UFD1: variants seen among roughly 807,000 people sequenced by gnomAD.
The protein encoded by UFD1 is ubiquitin recognition factor in ER-associated degradation protein 1.
A neutral mutation model predicts 45.9 loss-of-function variants in UFD1; 13 were observed. The observed-to-expected ratio is 0.28, with a 90% CI of 0.18 to 0.45. The LOEUF (loss-of-function observed/expected upper bound fraction) is 0.45. Among genes scored for constraint, UFD1 ranks in the 20% least tolerant of loss-of-function variants. The pLI is 1.00. For synonymous variants in UFD1, 128 were observed against 139.2 expected (o/e 0.92, Z 0.56); for missense variants, 218 against 389.2 (o/e 0.56, Z 3.70).
chr22:19,473,736 T>C (rs375128117), intron 3 of UFD1, among the ~76,000 whole-genome samples: 1 of 152,202 alleles, frequency 6.6e-6, no homozygotes, highest in Non-Finnish European at 1.5e-5. Context: ...GTACTTCTGA[T>C]GCACAGACAC....
intron 3 of UFD1, among the ~76,000 whole-genome samples, chr22:19,474,406 C>T (rs896579644): frequency 3.3e-5 from 5 of 152,122 alleles, no homozygotes; most frequent in Non-Finnish European, 7.4e-5. Flanking sequence ...ATTAGCCGGG[C>T]GTGGTGGCGG....
At chr22:19,471,230 A>G in intron 4 of UFD1, 1 of 513,706 alleles carries the variant, frequency 1.9e-6, no homozygotes, top group South Asian at 1.4e-5. Flanking sequence ...TTGTAAGGAA[A>G]AAGACGTCAC....
intron 11 of UFD1, chr22:19,453,189 T>C (rs569318597): frequency 1.0e-6 from 1 of 985,300 alleles, no homozygotes. Context: ...ATTCTGTCTT[T>C]AGTCCCTCAT....
chr22:19,457,733 C>T (rs1388425084), intron 7 of UFD1, among the ~76,000 whole-genome samples: 12 of 152,106 alleles, frequency 7.9e-5, no homozygotes, highest in African/African-American at 2.4e-4. Flanking sequence ...ATCGCTTGAA[C>T]CTGGGAGGTG....
In UFD1 at chr22:19,450,585, C is replaced by G; in HGVS notation, c.*85G>C. ...AGTAACAGAGTATTCTCTGATGAGGCTCGTCCCTGTCAGTGCCAGTAACTA... is the reference window on the plus strand; with the variant it reads ...AGTAACAGAGTATTCTCTGATGAGGGTCGTCCCTGTCAGTGCCAGTAACTA... On this transcript the variant is annotated 3_prime_UTR_variant, in exon 12 of 12. Transcript: ENST00000263202. 1 of 1,528,548 alleles carries G rather than the reference C, an allele frequency of 6.5e-7. No homozygotes were observed. 94.7% of individuals were successfully genotyped at this position (1,528,548 alleles called of 1,614,324 possible). A position where few individuals can be genotyped will look rare whatever the true frequency, so the allele number is the denominator to read the frequency against.
intron 7 of UFD1, among the ~76,000 whole-genome samples, chr22:19,457,272 G>A (rs1349455472): frequency 1.3e-5 from 2 of 152,174 alleles, no homozygotes; most frequent in Non-Finnish European, 2.9e-5. Flanking sequence ...GACTGCCCAT[G>A]TTGTCTTTTT....
chr22:19,469,869 A>G (rs1056178820), intron 4 of UFD1: 3 of 505,862 alleles, frequency 5.9e-6, no homozygotes, highest in Admixed American at 4.0e-5. Flanking sequence ...GAAAGGGTTC[A>G]ATTAGTTTCC....
At chr22:19,462,494 C>T (rs978092750) in intron 6 of UFD1, among the ~76,000 whole-genome samples, 1 of 151,908 alleles carries the variant, frequency 6.6e-6, no homozygotes, top group Non-Finnish European at 1.5e-5. Context: ...GGTGAAACCT[C>T]GTCTCTACTA....
At chr22:19,469,263 G>C (rs904453891) in intron 4 of UFD1, among the ~76,000 whole-genome samples, 3 of 152,184 alleles carry the variant, frequency 2.0e-5, no homozygotes, top group Non-Finnish European at 4.4e-5. Flanking sequence ...CACTGTCCCT[G>C]GGTAGATTTT....
chr22:19,471,512 G>A (rs1006280451), intron 4 of UFD1, 175 bp downstream of exon 4: 29 of 1,013,078 alleles, frequency 2.9e-5, no homozygotes, highest in Middle Eastern at 2.1e-4. Context: ...CCACCAGCCC[G>A]CATAAGGCAC....
At chr22:19,458,563 C>G (rs2005654) in intron 6 of UFD1, among the ~76,000 whole-genome samples, 10 of 152,222 alleles carry the variant, frequency 6.6e-5, no homozygotes, top group East Asian at 3.9e-4. Flanking sequence ...CCTGCCTCAG[C>G]CTCCCTAGTA....
chr22:19,479,042 G>A, intron 1 of UFD1, 41 bp downstream of exon 1: 1 of 1,598,760 alleles, frequency 6.3e-7, no homozygotes, highest in Non-Finnish European at 8.5e-7. Flanking sequence ...TCAGGCCCCG[G>A]GCCAAGGCCC....
rs570777949 is a variant in UFD1 at position 19,450,724 on chromosome 22, G to A, written c.870C>T (p.Phe290=). 8.1e-6 allele frequency: 13 copies of A among 1,614,108 alleles called. No homozygotes were observed. Among genetic ancestry groups the A allele is most frequent in the Middle Eastern group, 1.6e-4 (1 of 6,062 alleles). ...ACTGTCCTTCTCCAGAGAAAGCGACGAATCTGCCTCCAGCTTCATCCTAGG... is the reference window on the plus strand; with the variant it reads ...ACTGTCCTTCTCCAGAGAAAGCGACAAATCTGCCTCCAGCTTCATCCTAGG... ...KVEEDEAGGR[F]VAFSGEGQSL... is the part of the protein sequence containing the mutation. Residue 290 remains phenylalanine (F), a synonymous_variant, in exon 12 of 12, where the codon TTC becomes TTT. Transcript: ENST00000263202.
intron 11 of UFD1, chr22:19,454,060 C>T (rs1326818938): frequency 3.0e-6 from 3 of 985,662 alleles, no homozygotes; most frequent in Non-Finnish European, 3.6e-6. Context: ...CCACCCTGCT[C>T]AGCTAGAAGG....
intron 3 of UFD1, among the ~76,000 whole-genome samples, chr22:19,473,295 G>A (rs1009733634): frequency 6.6e-6 from 1 of 152,242 alleles, no homozygotes; most frequent in African/African-American, 2.4e-5. Flanking sequence ...CAGTGCCCTG[G>A]GGCTCCCAGT....
intron 3 of UFD1, 41 bp downstream of exon 3, chr22:19,475,026 TG>T (rs2089871645): frequency 6.9e-6 from 11 of 1,587,744 alleles, no homozygotes; most frequent in Non-Finnish European, 9.4e-6. Context: ...GGTGTCCATA[TG>T]TACATTATCT....
chr22:19,475,966 C>T (rs1448336209), intron 1 of UFD1, among the ~76,000 whole-genome samples: 1 of 152,184 alleles, frequency 6.6e-6, no homozygotes, highest in Admixed American at 6.5e-5. Context: ...TGAGTGCCTA[C>T]TGTCTGCCAG....
Position 19,465,262 on chromosome 22 carries a change from T to A in UFD1, c.435A>T (p.Ala145=), listed in dbSNP as rs1161653110. The change falls in exon 6 of 12, where the codon GCA becomes GCT. Residue 145 remains alanine (A), a synonymous_variant. Coordinates refer to ENST00000263202, the MANE Select transcript of UFD1 (RefSeq NM_005659.7). ...ITNPKAVLEN[A]LRNFACLTTG... is the part of the protein sequence containing the mutation. ...TGGTCAGACAGGCAAAGTTCCTAAG[T>A]GCGTTTTCTAATCTGCAGACACATT... 3 of 1,614,036 alleles carry A rather than the reference T, an allele frequency of 1.9e-6. No individual in the cohort carries two copies. In the African/African-American group the frequency reaches 4.0e-5, roughly 22 times the overall value.
chr22:19,476,122 G>A lies in UFD1; in HGVS notation c.4-520C>T, dbSNP rs976780547. ...ACGGACACACACACATGTGTGTCTG[G>A]CAGTTCTGAAGACAAGCAGCAGGGT... On this transcript the variant is annotated intron_variant, in intron 1 of 11. Transcript: ENST00000263202. Among the ~76,000 whole-genome samples the A allele has an allele frequency of 6.4e-4, 98 of 152,196 alleles. 1 individual carries two copies. The highest frequency in any genetic ancestry group is 2.3e-3 in the African/African-American group (97 of 41,530).
Sources: gnomAD v4.1 joint callset for allele counts (sites outside exome capture counted in the v4.1 genomes callset) on GRCh38, gnomAD v4.1.1 for gene constraint, MANE v1.5 for transcripts, NCBI Gene and HGNC (gene_info 2026-07-23, HGNC 2026-07-21) for gene names.